NBEA: variants seen among roughly 807,000 people sequenced by gnomAD.
The protein encoded by NBEA is neurobeachin.
In NBEA, 44 loss-of-function variants were observed where a neutral mutation model predicts 343.4. That is an observed-to-expected ratio of 0.13 (90% CI 0.10 to 0.16). The LOEUF (loss-of-function observed/expected upper bound fraction) is 0.16. Among genes scored for constraint, NBEA ranks in the 10% least tolerant of loss-of-function variants. The pLI is 1.00. For missense variants in NBEA, 2,555 were observed against 3,631.3 expected, an observed-to-expected ratio of 0.70 and a Z score of 7.62; for synonymous variants, 1,175 against 1,238.7, an observed-to-expected ratio of 0.95 and a Z score of 1.08.
chr13:35,540,293 T>C (rs748159795), intron 41 of NBEA, among the ~76,000 whole-genome samples: 10 of 152,058 alleles, frequency 6.6e-5, no homozygotes, highest in Non-Finnish European at 1.5e-4. Context: ...GTTTAAAAAA[T>C]TAGCAATATG....
intron 36 of NBEA, among the ~76,000 whole-genome samples, chr13:35,319,929 T>G (rs1241760343): frequency 6.6e-6 from 1 of 152,076 alleles, no homozygotes; most frequent in Non-Finnish European, 1.5e-5. Flanking sequence ...CTTTTTTTTT[T>G]GCTTTCCATT....
chr13:35,669,345 A>C (rs948057468), intron 58 of NBEA, among the ~76,000 whole-genome samples: 1 of 152,208 alleles, frequency 6.6e-6, no homozygotes, highest in African/African-American at 2.4e-5. Context: ...CTTGTTAATC[A>C]ACGTTTTTCC....
chr13:35,426,577 C>T (rs970638621), intron 38 of NBEA, among the ~76,000 whole-genome samples: 6 of 152,152 alleles, frequency 3.9e-5, no homozygotes, highest in South Asian at 2.1e-4. Flanking sequence ...CTGCCCTTAA[C>T]GTTTTTTCCT....
intron 38 of NBEA, among the ~76,000 whole-genome samples, chr13:35,379,085 T>G (rs2244392): frequency 0.31 from 45,851 of 148,440 alleles, 9,197 homozygotes; most frequent in African/African-American, 0.58. Context: ...TACATATTTG[T>G]TTTTTTTTTT....
intron 40 of NBEA, among the ~76,000 whole-genome samples, chr13:35,459,332 A>G (rs117763708): frequency 0.03 from 4,553 of 152,282 alleles, 107 homozygotes; most frequent in Non-Finnish European, 0.045. Context: ...CAGGGCTGGT[A>G]GGTGGAAGAG....
At chr13:35,264,147 G>A (rs1435614480) in intron 34 of NBEA, among the ~76,000 whole-genome samples, 1 of 150,128 alleles carries the variant, frequency 6.7e-6, no homozygotes, top group African/African-American at 2.4e-5. Context: ...CCAACAAATC[G>A]GATACCCTAG....
chr13:35,024,306 T>C (rs974089356), intron 1 of NBEA, among the ~76,000 whole-genome samples: 15 of 152,154 alleles, frequency 9.9e-5, no homozygotes, highest in African/African-American at 3.1e-4. Context: ...AACATACAAG[T>C]GCGTGTTGCT....
At chr13:35,462,788 GA>G (rs1342251204) in intron 40 of NBEA, among the ~76,000 whole-genome samples, 3 of 151,828 alleles carry the variant, frequency 2.0e-5, no homozygotes, top group African/African-American at 7.2e-5. Context: ...CTACCAAAAA[GA>G]AAAAAAATTA....
chr13:35,146,427 TC>T (rs1473014244), intron 18 of NBEA, among the ~76,000 whole-genome samples: 2 of 152,044 alleles, frequency 1.3e-5, no homozygotes, highest in Non-Finnish European at 2.9e-5. Flanking sequence ...TACCCAAAGC[TC>T]CTTAGTTGTG....
At position 35,182,389 on chromosome 13, in the gene NBEA, T is replaced by C. The variant is rs764885643; in HGVS notation, c.4692T>C (p.Ala1564=). ...VDDSKQAQFL[A]LAVVYFISVL... ...ATAGCAAACAAGCACAGTTCTTAGC[T>C]CTGGCTGTTGTTTACTTCATTTCGG... Residue 1564 remains alanine (A), a synonymous_variant, in exon 29 of 59, where the codon GCT becomes GCC. Coordinates refer to ENST00000379939, the MANE Select transcript of NBEA (RefSeq NM_001385012.1). 6 of 1,610,482 alleles carry C rather than the reference T, an allele frequency of 3.7e-6. No individual in the cohort carries two copies. The South Asian group carries it at 6.6e-5, about 18-fold the overall frequency.
chr13:35,061,438 T>C (rs2063463916), intron 8 of NBEA, among the ~76,000 whole-genome samples: 1 of 151,714 alleles, frequency 6.6e-6, no homozygotes, highest in African/African-American at 2.4e-5. Context: ...TTTAATGTCT[T>C]CAAGATTATA....
intron 38 of NBEA, among the ~76,000 whole-genome samples, chr13:35,411,652 T>TGTA (rs1169702959): frequency 1.3e-5 from 2 of 151,378 alleles, no homozygotes; most frequent in Admixed American, 1.3e-4. Flanking sequence ...TTTGTTTTGT[T>TGTA]GTTGTTGTTG....
intron 1 of NBEA, among the ~76,000 whole-genome samples, chr13:34,953,783 C>T (rs117659166): frequency 1.3e-5 from 2 of 152,322 alleles, no homozygotes; most frequent in Non-Finnish European, 2.9e-5. Flanking sequence ...ACCCCTGGGC[C>T]ACGGACCTGT....
chr13:35,217,737 C>G (rs1395048935), intron 33 of NBEA, among the ~76,000 whole-genome samples: 1 of 152,020 alleles, frequency 6.6e-6, no homozygotes, highest in Non-Finnish European at 1.5e-5. Flanking sequence ...TAGAATTTCT[C>G]CTGAATGCTC....
intron 34 of NBEA, among the ~76,000 whole-genome samples, chr13:35,240,973 C>A (rs949338941): frequency 6.6e-6 from 1 of 151,588 alleles, no homozygotes; most frequent in Non-Finnish European, 1.5e-5. Flanking sequence ...TATAAAAATT[C>A]TTGAATGACG....
chr13:35,325,717 A>AT (rs2038510669), intron 36 of NBEA, among the ~76,000 whole-genome samples: 1 of 151,998 alleles, frequency 6.6e-6, no homozygotes, highest in Non-Finnish European at 1.5e-5. Flanking sequence ...TTTATCATAA[A>AT]TTTTTTCCCA....
Position 35,196,264 on chromosome 13 carries a change from A to G in NBEA, c.5328A>G (p.Thr1776=). 6.2e-7 allele frequency: 1 copy of G among 1,613,468 alleles called. No homozygotes were observed. Among genetic ancestry groups the G allele is most frequent in the African/African-American group, 1.3e-5 (1 of 75,024 alleles). Residue 1776 remains threonine (T), a synonymous_variant, in exon 31 of 59, where the codon ACA becomes ACG. Coordinates refer to ENST00000379939, the MANE Select transcript of NBEA (RefSeq NM_001385012.1). ...PYPDPALKRE[T]QAILPMQFHS... is the part of the protein sequence containing the mutation. Reference sequence around the variant, plus strand: ...CAGATCCAGCATTGAAGAGAGAAACACAAGCTATTCTTCCTATGCAGTTTC... The same window carrying G: ...CAGATCCAGCATTGAAGAGAGAAACGCAAGCTATTCTTCCTATGCAGTTTC...
At chr13:35,475,229 A>G in intron 41 of NBEA, 1 of 1,613,936 alleles carries the variant, frequency 6.2e-7, no homozygotes, top group Non-Finnish European at 8.5e-7. Flanking sequence ...AGTTGCAGCA[A>G]AATCCCGTTC....
At chr13:35,046,505 A>G (rs2062862346) in intron 4 of NBEA, among the ~76,000 whole-genome samples, 1 of 152,094 alleles carries the variant, frequency 6.6e-6, no homozygotes, top group Non-Finnish European at 1.5e-5. Context: ...TGGGGTATAT[A>G]TGTTCTAAGA....
Sources: gnomAD v4.1 joint callset for allele counts (sites outside exome capture counted in the v4.1 genomes callset) on GRCh38, gnomAD v4.1.1 for gene constraint, MANE v1.5 for transcripts, NCBI Gene and HGNC (gene_info 2026-07-23, HGNC 2026-07-21) for gene names.